The following PRKDC variants were observed in gnomAD, a reference collection of about 807,000 sequenced individuals.
PRKDC encodes the protein DNA-dependent protein kinase catalytic subunit.
Under a neutral mutation model 486.9 loss-of-function variants are expected in PRKDC, and 82 were observed. That is an observed-to-expected ratio of 0.17 (90% CI 0.14 to 0.20). The LOEUF (loss-of-function observed/expected upper bound fraction) is 0.20. Ranked by LOEUF, PRKDC falls within the 10% of genes least tolerant of loss-of-function variation. The pLI is 1.00. For missense variants in PRKDC, 4,504 were observed against 5,038.2 expected, an observed-to-expected ratio of 0.89 and a Z score of 3.21; for synonymous variants, 1,895 against 1,837.0, an observed-to-expected ratio of 1.03 and a Z score of -0.81.
At chr8:47,912,327 A>AGG in intron 25 of PRKDC, 83 bp downstream of exon 25, 1 of 1,371,660 alleles carries the variant, frequency 7.3e-7, no homozygotes, top group Non-Finnish European at 9.6e-7. Flanking sequence ...ATCTCCAGGT[A>AGG]ATTCCACTGC....
chr8:47,881,628 T>G (rs1226564089), intron 37 of PRKDC, 108 bp from the exon 38 acceptor site: 4 of 677,914 alleles, frequency 5.9e-6, no homozygotes, highest in Middle Eastern at 2.5e-4. Context: ...TAATTTAATT[T>G]TGGGCTTCAA....
chr8:47,837,379 G>T lies in PRKDC; in HGVS notation c.7594C>A (p.Pro2532Thr). ...RNFWSHETRL[P>T]SNTLDRLLAL... ...AGCAACCGGTCCAAGGTATTTGAAG[G>T]TAACCTAGTTTCATGGCTCCAGAAA... Residue 2532 changes from proline to threonine, a missense_variant, in exon 57 of 86, where the codon CCT becomes ACT. Physicochemically the swap from Pro to Thr is conservative, Grantham distance 38. This residue lies in a region of PRKDC where 1,592 missense variants were observed against 1,724.6 expected (regional missense o/e 0.92). Transcript: ENST00000314191. The T allele has an allele frequency of 1.9e-6, 3 of 1,612,362 alleles. No homozygotes were observed. Among genetic ancestry groups the T allele is most frequent in the Non-Finnish European group, 2.5e-6 (3 of 1,178,432 alleles).
intron 54 of PRKDC, among the ~76,000 whole-genome samples, chr8:47,845,905 G>A (rs2088252279): frequency 1.3e-5 from 2 of 152,126 alleles, no homozygotes; most frequent in African/African-American, 4.8e-5. Context: ...CCAAATCCCT[G>A]ATGAACACAG....
chr8:47,806,991 C>T (rs879929227), intron 69 of PRKDC, 146 bp downstream of exon 69: 5 of 798,494 alleles, frequency 6.3e-6, no homozygotes, highest in Non-Finnish European at 7.3e-6. Context: ...CCACTGCACC[C>T]GGCCAAGTTT....
At chr8:47,864,406 G>C (rs1563773917) in intron 41 of PRKDC, 150 bp downstream of exon 41, 1 of 678,370 alleles carries the variant, frequency 1.5e-6, no homozygotes, top group Non-Finnish European at 2.4e-6. Context: ...GAAGCCACAG[G>C]AAATAAAGGC....
chr8:47,923,531 T>C (rs2090107757), intron 21 of PRKDC, among the ~76,000 whole-genome samples: 1 of 152,250 alleles, frequency 6.6e-6, no homozygotes, highest in Non-Finnish European at 1.5e-5. Context: ...GATGCACGTG[T>C]GGCCCACAAG....
chr8:47,912,585 C>T (rs748717192), intron 24 of PRKDC, 23 bp from the exon 25 acceptor site: 2 of 1,558,612 alleles, frequency 1.3e-6, no homozygotes, highest in South Asian at 1.2e-5. Flanking sequence ...AGGAGGTCAG[C>T]AATGTTTAAG....
intron 44 of PRKDC, 30 bp downstream of exon 44, chr8:47,862,032 G>GT (rs758071440): frequency 5.5e-5 from 83 of 1,509,868 alleles, no homozygotes; most frequent in East Asian, 3.5e-4. Context: ...CACTTGATAA[G>GT]TTTTTTTTAA....
chr8:47,859,511 G>C, intron 46 of PRKDC, 100 bp downstream of exon 46: 2 of 1,360,286 alleles, frequency 1.5e-6, no homozygotes, highest in Non-Finnish European at 1.0e-6. Flanking sequence ...GTTGTCAATG[G>C]ACAGAGAACT....
intron 54 of PRKDC, among the ~76,000 whole-genome samples, chr8:47,846,853 C>A (rs2088277259): frequency 6.6e-6 from 1 of 152,124 alleles, no homozygotes; most frequent in Non-Finnish European, 1.5e-5. Context: ...CATTTCTATA[C>A]ACCAATAACA....
intron 85 of PRKDC, among the ~76,000 whole-genome samples, chr8:47,775,117 G>A (rs1374975524): frequency 6.6e-6 from 1 of 151,866 alleles, no homozygotes; most frequent in African/African-American, 2.4e-5. Context: ...AACCCAGGAG[G>A]TGGGGGTTGC....
intron 74 of PRKDC, 39 bp downstream of exon 74, chr8:47,794,251 A>G: frequency 6.6e-7 from 1 of 1,510,846 alleles, no homozygotes; most frequent in South Asian, 1.2e-5. Context: ...TATAACCTAT[A>G]GTATTTGATC....
At position 47,927,734 on chromosome 8, in the gene PRKDC, G is replaced by A. The variant is rs371317615; in HGVS notation, c.2259+37C>T. ...TCTATGTGCTCTGGGACTCACAACA[G>A]CGATGAAGAGATGGCTCTGTTCAAG... is the stretch of plus-strand genomic sequence containing the variant. On this transcript the variant is annotated intron_variant, in intron 20 of 85. Transcript: ENST00000314191. 1.0e-4 allele frequency: 153 copies of A among 1,468,276 alleles called. No homozygotes were observed. The African/African-American group carries it at 2.0e-3, about 19-fold the overall frequency. 91.0% of individuals were successfully genotyped at this position (1,468,276 alleles called of 1,614,324 possible).
intron 58 of PRKDC, among the ~76,000 whole-genome samples, chr8:47,835,134 C>G (rs1318252244): frequency 6.6e-6 from 1 of 152,154 alleles, no homozygotes; most frequent in African/African-American, 2.4e-5. Flanking sequence ...ATATGTTACT[C>G]TACAATTTGT....
chr8:47,925,507 CAT>C lies in PRKDC; in HGVS notation c.2419+1685_2419+1686del, dbSNP rs549565303. ...TAAAGAGTTACAACTAAAAGTAACA[CAT>C]GATCCTACACTGAATTCTAAACCAG... On this transcript the variant is annotated intron_variant, in intron 21 of 85. Coordinates refer to ENST00000314191, the MANE Select transcript of PRKDC (RefSeq NM_006904.7). 1.2e-3 allele frequency among the ~76,000 whole-genome samples: 188 copies of C among 152,264 alleles called. 1 individual carries two copies. Among genetic ancestry groups the C allele is most frequent in the African/African-American group, 4.4e-3 (184 of 41,556 alleles).
chr8:47,957,625 C>T (rs1020360797), intron 1 of PRKDC, among the ~76,000 whole-genome samples, 194 bp from the exon 2 acceptor site: 1 of 152,176 alleles, frequency 6.6e-6, no homozygotes, highest in Admixed American at 6.5e-5. Flanking sequence ...ATTCTCCTAT[C>T]TCAGCCTCCC....
chr8:47,935,993 G>A (rs2090344707), intron 12 of PRKDC, 93 bp from the exon 13 acceptor site: 1 of 1,218,494 alleles, frequency 8.2e-7, no homozygotes, highest in Non-Finnish European at 1.1e-6. Flanking sequence ...AACTGAATTA[G>A]ATACTTATTA....
chr8:47,817,921 T>C (rs2087485539), intron 67 of PRKDC, among the ~76,000 whole-genome samples: 2 of 152,248 alleles, frequency 1.3e-5, no homozygotes, highest in Admixed American at 6.5e-5. Flanking sequence ...TTCATTGGTA[T>C]AGGGCTACTT....
intron 60 of PRKDC, 109 bp downstream of exon 60, chr8:47,831,705 G>C: frequency 8.3e-7 from 1 of 1,209,954 alleles, no homozygotes; most frequent in Non-Finnish European, 1.2e-6. Flanking sequence ...CCGCAACCTG[G>C]TTTGCAGGTG....
Sources: allele counts gnomAD v4.1 joint callset (sites outside exome capture counted in the v4.1 genomes callset), GRCh38; gene constraint gnomAD v4.1.1; regional missense constraint gnomAD v4.1.1; transcripts MANE v1.5; gene names NCBI Gene and HGNC (gene_info 2026-07-23, HGNC 2026-07-21).